The following FNDC3B variants were observed in gnomAD, a reference collection of about 807,000 sequenced individuals.
FNDC3B encodes the protein fibronectin type III domain-containing protein 3B.
Under a neutral mutation model 151.5 loss-of-function variants are expected in FNDC3B, and 12 were observed. The observed-to-expected ratio is 0.08, with a 90% CI of 0.05 to 0.13. FNDC3B has a LOEUF of 0.13. Ranked by LOEUF, FNDC3B falls within the 10% of genes least tolerant of loss-of-function variation. The probability of loss-of-function intolerance (pLI) is 1.00; values close to 1 mark genes in which losing one functional copy is unlikely to be tolerated. For missense variants in FNDC3B, 1,214 were observed against 1,505.3 expected, an observed-to-expected ratio of 0.81 and a Z score of 3.20; for synonymous variants, 528 against 549.0, an observed-to-expected ratio of 0.96 and a Z score of 0.54.
intron 3 of FNDC3B, among the ~76,000 whole-genome samples, chr3:172,153,885 A>G (rs1722354255): frequency 6.6e-6 from 1 of 152,142 alleles, no homozygotes; most frequent in African/African-American, 2.4e-5. Flanking sequence ...GCAGACAGGT[A>G]GTAAAGAAAC....
intron 3 of FNDC3B, among the ~76,000 whole-genome samples, chr3:172,181,133 T>C (rs2108652884): frequency 6.6e-6 from 1 of 152,266 alleles, no homozygotes; most frequent in Middle Eastern, 3.4e-3. Flanking sequence ...TGGTGGCTCA[T>C]GCCTGTAATC....
chr3:172,045,900 G>T (rs1439763961), intron 1 of FNDC3B, among the ~76,000 whole-genome samples: 1 of 152,072 alleles, frequency 6.6e-6, no homozygotes, highest in Non-Finnish European at 1.5e-5. Flanking sequence ...ATAGGGGCAG[G>T]TAGACAAGCA....
intron 11 of FNDC3B, chr3:172,317,250 C>T: frequency 2.4e-6 from 1 of 410,470 alleles, no homozygotes; most frequent in Non-Finnish European, 4.8e-6. Context: ...GTGGTGCGAT[C>T]TCAGCTCACT....
intron 6 of FNDC3B, among the ~76,000 whole-genome samples, chr3:172,268,600 G>A (rs1729034955): frequency 6.6e-6 from 1 of 152,168 alleles, no homozygotes; most frequent in South Asian, 2.1e-4. Flanking sequence ...GTAGATCACA[G>A]CTCTCCGTGT....
chr3:172,322,756 C>G (rs1311168647), intron 11 of FNDC3B, among the ~76,000 whole-genome samples: 1 of 152,070 alleles, frequency 6.6e-6, no homozygotes, highest in Non-Finnish European at 1.5e-5. Flanking sequence ...CAAATGTGTA[C>G]CCAGAAATAC....
intron 1 of FNDC3B, among the ~76,000 whole-genome samples, chr3:172,089,124 AATACCC>A (rs1718687398): frequency 1.3e-5 from 2 of 152,226 alleles, no homozygotes; most frequent in Non-Finnish European, 2.9e-5. Context: ...GTGAGCAACT[AATACCC>A]ATAGGACAAA....
intron 3 of FNDC3B, among the ~76,000 whole-genome samples, chr3:172,177,325 A>G (rs1723645785): frequency 6.6e-6 from 1 of 152,224 alleles, no homozygotes; most frequent in Admixed American, 6.5e-5. Context: ...ACATTTTAAC[A>G]GACTCCTTGG....
At chr3:172,373,190 T>C (rs1334917367) in intron 23 of FNDC3B, among the ~76,000 whole-genome samples, 1 of 152,186 alleles carries the variant, frequency 6.6e-6, no homozygotes, top group East Asian at 1.9e-4. Context: ...AGTGAGAGTT[T>C]TTCACCATTT....
chr3:172,294,435 A>G (rs541103238), intron 7 of FNDC3B, among the ~76,000 whole-genome samples: 2 of 152,200 alleles, frequency 1.3e-5, no homozygotes, highest in East Asian at 3.8e-4. Context: ...AGAAGGAGGA[A>G]GATAGAGAGA....
Position 172,344,104 on chromosome 3 carries a change from G to C in FNDC3B, c.2096G>C (p.Ser699Thr). ...TTCCCAGATGTTCCTGCATCGGAAA[G>C]TGGCTGTGAGGTCTCAGAGTACAGC... is the stretch of plus-strand genomic sequence containing the variant. ...HLEWDVPASESGCEVSEYSVE... is the reference protein window; with the variant it reads ...HLEWDVPASETGCEVSEYSVE... The change falls in exon 19 of 26, where the codon AGT (serine) becomes ACT (threonine). Residue 699 changes from serine (S) to threonine (T), a missense_variant. Ser to Thr is a moderately conservative substitution (Grantham distance 58). Around this residue, in one of 7 missense-constraint regions of FNDC3B, gnomAD observed 380 missense variants for 420.9 expected, o/e 0.90. Coordinates refer to ENST00000415807, the MANE Select transcript of FNDC3B (RefSeq NM_022763.4). 1 of 1,611,364 alleles carries C rather than the reference G, an allele frequency of 6.2e-7. No individual in the cohort carries two copies. Among genetic ancestry groups the C allele is most frequent in the African/African-American group, 1.3e-5 (1 of 74,852 alleles).
chr3:172,166,866 C>T (rs773810773), intron 3 of FNDC3B, among the ~76,000 whole-genome samples: 1 of 152,090 alleles, frequency 6.6e-6, no homozygotes, highest in African/African-American at 2.4e-5. Context: ...ATCTCTGTTC[C>T]TCTTCATATC....
intron 3 of FNDC3B, among the ~76,000 whole-genome samples, chr3:172,163,278 G>GAA (rs200670741): frequency 6.9e-5 from 10 of 145,284 alleles, no homozygotes; most frequent in African/African-American, 2.6e-4. Flanking sequence ...CTCATATAAG[G>GAA]AAAAAAAAAA....
chr3:172,265,216 A>G (rs1243769122), intron 6 of FNDC3B, among the ~76,000 whole-genome samples: 1 of 152,204 alleles, frequency 6.6e-6, no homozygotes, highest in Non-Finnish European at 1.5e-5. Context: ...CCACACATCA[A>G]TATGAAAGAT....
At chr3:172,369,862 C>T (rs867897537) in intron 23 of FNDC3B, among the ~76,000 whole-genome samples, 5 of 152,068 alleles carry the variant, frequency 3.3e-5, no homozygotes, top group East Asian at 1.9e-4. Context: ...GAGCACCGTT[C>T]GTTCCCAAAT....
intron 3 of FNDC3B, among the ~76,000 whole-genome samples, chr3:172,171,928 T>C (rs1723304493): frequency 1.3e-5 from 2 of 152,106 alleles, no homozygotes; most frequent in South Asian, 4.1e-4. Flanking sequence ...GGTGGAAGTA[T>C]GGTGAAAGTA....
At chr3:172,310,109 A>G (rs930303244) in intron 10 of FNDC3B, among the ~76,000 whole-genome samples, 2 of 152,188 alleles carry the variant, frequency 1.3e-5, no homozygotes, top group Non-Finnish European at 2.9e-5. Context: ...TAATGCTCCA[A>G]GAGACCCCAC....
chr3:172,080,701 G>A (rs1044218390), intron 1 of FNDC3B, among the ~76,000 whole-genome samples: 11 of 152,194 alleles, frequency 7.2e-5, no homozygotes, highest in African/African-American at 2.4e-4. Flanking sequence ...GTAGACTGAT[G>A]TGTGTCCATC....
intron 1 of FNDC3B, among the ~76,000 whole-genome samples, chr3:172,051,682 A>G (rs1420135878): frequency 6.6e-6 from 1 of 152,142 alleles, no homozygotes; most frequent in Non-Finnish European, 1.5e-5. Flanking sequence ...AACATGGCCT[A>G]TATTTGAGGC....
Position 172,256,086 on chromosome 3 carries a change from C to G in FNDC3B, c.790+4545C>G, listed in dbSNP as rs374229206. ...GAACCTTTGTGGTGCTCCCCACTGT[C>G]TAGAGAATAAAGTCTAAACTGCATG... On this transcript the variant is annotated intron_variant, in intron 6 of 25. Transcript: ENST00000415807. Among the ~76,000 whole-genome samples, 30 of 152,340 alleles carry G rather than the reference C, an allele frequency of 2.0e-4. 1 individual carries two copies. The highest frequency in any genetic ancestry group is 7.0e-4 in the African/African-American group (29 of 41,572).
Sources: allele counts gnomAD v4.1 joint callset (sites outside exome capture counted in the v4.1 genomes callset), GRCh38; gene constraint gnomAD v4.1.1; regional missense constraint gnomAD v4.1.1; transcripts MANE v1.5; gene names NCBI Gene and HGNC (gene_info 2026-07-23, HGNC 2026-07-21).